Variants in HDAC9 observed in about 807,000 individuals in gnomAD.
HDAC9 encodes histone deacetylase 9, also known as MEF-2 interacting transcription repressor (MITR) protein.
Under a neutral mutation model 139.4 loss-of-function variants are expected in HDAC9, and 41 were observed. That is an observed-to-expected ratio of 0.29 (90% CI 0.23 to 0.38). The LOEUF (loss-of-function observed/expected upper bound fraction) is 0.38, where lower values mean the gene tolerates loss of function less well. Among genes scored for constraint, HDAC9 ranks in the 10% least tolerant of loss-of-function variants. HDAC9 has a pLI of 1.00. For missense variants in HDAC9, 1,147 were observed against 1,297.0 expected, an observed-to-expected ratio of 0.88 and a Z score of 1.78; for synonymous variants, 517 against 476.2, an observed-to-expected ratio of 1.09 and a Z score of -1.12.
chr7:18,798,790 A>G (rs1400589833), intron 17 of HDAC9, among the ~76,000 whole-genome samples: 1 of 152,178 alleles, frequency 6.6e-6, no homozygotes, highest in African/African-American at 2.4e-5. Flanking sequence ...TAGGTTAGCC[A>G]AAAGCATCAA....
intron 1 of HDAC9, among the ~76,000 whole-genome samples, chr7:18,442,724 T>C (rs1791903928): frequency 6.6e-6 from 1 of 152,244 alleles, no homozygotes; most frequent in Non-Finnish European, 1.5e-5. Context: ...CTTTAGACTC[T>C]AGTGTCATGG....
intron 1 of HDAC9, among the ~76,000 whole-genome samples, chr7:18,307,805 A>AT (rs567934114): frequency 7.6e-4 from 116 of 152,174 alleles, no homozygotes; most frequent in African/African-American, 2.7e-3. Context: ...TCTGTCCCAA[A>AT]TTTTTTTTAA....
At chr7:18,472,601 G>T (rs569844966) in intron 1 of HDAC9, among the ~76,000 whole-genome samples, 1 of 152,262 alleles carries the variant, frequency 6.6e-6, no homozygotes, top group South Asian at 2.1e-4. Context: ...TTCCCTCTGC[G>T]TGAAGCGGGC....
rs1234821922 is a variant in HDAC9 at position 18,461,161 on chromosome 7, GCAGA to G, written c.-41-35099_-41-35096del. ...ACACATATATTTCTCTCAGACATACGCAGACTTTTCAGTCAGAAAAAAAAGGCTA... is the reference window on the plus strand; with the variant it reads ...ACACATATATTTCTCTCAGACATACGCTTTTCAGTCAGAAAAAAAAGGCTA... On this transcript the variant is annotated intron_variant, in intron 1 of 3. Transcript: ENST00000413509. Among the ~76,000 whole-genome samples, 3 of 151,988 alleles carry G rather than the reference GCAGA, an allele frequency of 2.0e-5. No individual in the cohort carries two copies. In the East Asian group the frequency reaches 5.8e-4, roughly 29 times the overall value.
intron 2 of HDAC9, among the ~76,000 whole-genome samples, chr7:18,566,996 C>G (rs1822570743): frequency 6.6e-6 from 1 of 152,158 alleles, no homozygotes; most frequent in Admixed American, 6.5e-5. Context: ...AAGTGTGTCG[C>G]AAGGCCTAGC....
chr7:18,789,313 C>G (rs1231789897), intron 16 of HDAC9, among the ~76,000 whole-genome samples: 1 of 139,104 alleles, frequency 7.2e-6, no homozygotes, highest in African/African-American at 3.1e-5. Flanking sequence ...CACACACAGT[C>G]TCTCTCTCTC....
chr7:18,458,962 G>A, intron 1 of HDAC9: 4 of 1,201,166 alleles, frequency 3.3e-6, no homozygotes, highest in South Asian at 1.3e-5. Context: ...ACATGAGTGG[G>A]TGACTTCCTT....
intron 2 of HDAC9, among the ~76,000 whole-genome samples, chr7:18,207,979 G>C (rs963599455): frequency 6.6e-6 from 1 of 152,162 alleles, no homozygotes; most frequent in South Asian, 2.1e-4. Context: ...CTCCGAAAGT[G>C]CTGGGATTAC....
intron 22 of HDAC9, among the ~76,000 whole-genome samples, chr7:18,911,421 C>T (rs987305300): frequency 4.0e-5 from 6 of 151,434 alleles, no homozygotes; most frequent in Admixed American, 3.3e-4. Flanking sequence ...GTCTCCTTTT[C>T]TTAGTCTAGC....
At chr7:18,656,241 A>G (rs1695662169) in intron 11 of HDAC9, among the ~76,000 whole-genome samples, 1 of 152,022 alleles carries the variant, frequency 6.6e-6, no homozygotes, top group African/African-American at 2.4e-5. Context: ...CATATCTTAA[A>G]TGTACTGCTG....
intron 1 of HDAC9, among the ~76,000 whole-genome samples, chr7:18,385,965 C>T (rs1365895): frequency 0.54 from 82,556 of 151,868 alleles, 25,145 homozygotes; most frequent in Non-Finnish European, 0.67. Context: ...TTTCAAGCTG[C>T]TTTTAATGTT....
At chr7:18,323,935 G>GTT (rs201833273) in intron 1 of HDAC9, among the ~76,000 whole-genome samples, 2 of 138,964 alleles carry the variant, frequency 1.4e-5, no homozygotes. Context: ...TGGTTGTTTT[G>GTT]TTTTTTTTTT....
chr7:18,289,510 A>C (rs970271750), upstream of HDAC9, among the ~76,000 whole-genome samples: 2 of 152,188 alleles, frequency 1.3e-5, no homozygotes, highest in African/African-American at 4.8e-5. Context: ...AATTTCTTTG[A>C]AGAAACATTT....
intron 17 of HDAC9, among the ~76,000 whole-genome samples, chr7:18,823,361 A>G (rs981916474): frequency 1.3e-5 from 2 of 152,224 alleles, no homozygotes; most frequent in African/African-American, 2.4e-5. Flanking sequence ...GTTAAGGACT[A>G]TAGTATGATT....
intron 1 of HDAC9, among the ~76,000 whole-genome samples, chr7:18,446,381 T>C (rs61138372): frequency 0.035 from 5,274 of 152,202 alleles, 109 homozygotes; most frequent in African/African-American, 0.065. Flanking sequence ...GGGGGGTGGG[T>C]TTAAAAGAAG....
intron 1 of HDAC9, among the ~76,000 whole-genome samples, chr7:18,382,847 A>T (rs1785559719): frequency 1.3e-5 from 2 of 152,230 alleles, no homozygotes; most frequent in Admixed American, 1.3e-4. Flanking sequence ...AAACTTAAGG[A>T]AGTATAGAAC....
At chr7:18,914,458 A>G (rs190902524) in intron 22 of HDAC9, among the ~76,000 whole-genome samples, 1 of 152,028 alleles carries the variant, frequency 6.6e-6, no homozygotes, top group East Asian at 1.9e-4. Flanking sequence ...GACATAAGTA[A>G]CCCCCATAGC....
chr7:18,350,974 C>T (rs1211399245), intron 1 of HDAC9, among the ~76,000 whole-genome samples: 1 of 152,104 alleles, frequency 6.6e-6, no homozygotes, highest in Non-Finnish European at 1.5e-5. Flanking sequence ...GTAAGTGCAA[C>T]CTGAAATACA....
In HDAC9 at chr7:19,001,537, A is replaced by C. The variant is rs922018044; in HGVS notation, c.*5475A>C. The C allele has an allele frequency of 8.3e-6, 1 of 119,952 alleles. No homozygotes were observed. The highest frequency in any genetic ancestry group is 1.7e-5 in the Non-Finnish European group (1 of 60,342). 7.4% of individuals were successfully genotyped at this position (119,952 alleles called of 1,614,324 possible). Reference sequence around the variant, plus strand: ...TTTTATTAACTTAAAATTCAACAGAAATGGAGTAATTAAAAAAAAAAACAA... The same window carrying C: ...TTTTATTAACTTAAAATTCAACAGACATGGAGTAATTAAAAAAAAAAACAA... On this transcript the variant is annotated 3_prime_UTR_variant, in exon 26 of 26. Transcript: ENST00000686413.
Sources: gnomAD v4.1 joint callset for allele counts (sites outside exome capture counted in the v4.1 genomes callset) on GRCh38, gnomAD v4.1.1 for gene constraint, MANE v1.5 for transcripts, NCBI Gene and HGNC (gene_info 2026-07-23, HGNC 2026-07-21) for gene names.